Variants in TOMM5 observed in about 807,000 individuals in gnomAD.
TOMM5 encodes the protein mitochondrial import receptor subunit TOM5 homolog.
TOMM5 carries 1 observed loss-of-function variant against 4.8 expected under a neutral mutation model. The observed-to-expected ratio is 0.21, with a 90% CI of 0.07 to 0.99. The LOEUF is 0.99. Ranked by LOEUF, TOMM5 falls within the 50% of genes least tolerant of loss-of-function variation. The probability of loss-of-function intolerance (pLI) is 0.60; values close to 1 mark genes in which losing one functional copy is unlikely to be tolerated. For missense variants in TOMM5, 60 were observed against 66.6 expected (o/e 0.90, Z 0.35); for synonymous variants, 26 against 26.7 (o/e 0.97, Z 0.08).
rs893189326 is a variant in TOMM5, at chr9:37,592,170, C to T, written c.121+242G>A. 7.9e-5 allele frequency: 116 copies of T among 1,463,070 alleles called. 1 individual carries two copies. The African/African-American group carries it at 1.4e-3, about 18-fold the overall frequency. 90.6% of individuals were successfully genotyped at this position (1,463,070 alleles called of 1,614,324 possible). ...CAACGCGCCCGGCAGCTCAAACATTCTTCAAGCTGGGAGAACCAGGATGAT... is the reference window on the plus strand; with the variant it reads ...CAACGCGCCCGGCAGCTCAAACATTTTTCAAGCTGGGAGAACCAGGATGAT... On this transcript the variant is annotated intron_variant, in intron 1 of 1. Transcript: ENST00000321301.
chr9:37,589,349 C>A (rs13296887), intron 1 of TOMM5, among the ~76,000 whole-genome samples: 18,475 of 152,156 alleles, frequency 0.12, 1,206 homozygotes, highest in Middle Eastern at 0.15. Context: ...ACTAGAGAAC[C>A]GGAAGAGCTG....
At chr9:37,592,240 C>T (rs1171307031) in intron 1 of TOMM5, 172 bp downstream of exon 1, 1 of 1,542,200 alleles carries the variant, frequency 6.5e-7, no homozygotes, top group Non-Finnish European at 8.8e-7. Flanking sequence ...TGCCCGGACC[C>T]TGACCCGCAG....
chr9:37,590,175 T>G (rs1395353618), intron 1 of TOMM5, among the ~76,000 whole-genome samples: 1 of 152,122 alleles, frequency 6.6e-6, no homozygotes, highest in African/African-American at 2.4e-5. Context: ...GAAGGATTGA[T>G]CGAGCCCAAT....
intron 1 of TOMM5, 163 bp downstream of exon 1, chr9:37,592,249 A>G: frequency 6.5e-7 from 1 of 1,544,788 alleles, no homozygotes. Context: ...CCTGACCCGC[A>G]GACCTCAAAC....
chr9:37,590,427 G>T lies in TOMM5; in HGVS notation c.122-1495C>A, dbSNP rs539026162. Reference sequence around the variant, plus strand: ...TCAAAAAAAAGAAAAAAAAAATCCGGACTAGACAAATCCATAGAGAAAAAG... The same window carrying T: ...TCAAAAAAAAGAAAAAAAAAATCCGTACTAGACAAATCCATAGAGAAAAAG... On this transcript the variant is annotated intron_variant, in intron 1 of 1. Transcript: ENST00000321301. 2.0e-5 allele frequency among the ~76,000 whole-genome samples: 3 copies of T among 151,900 alleles called. No individual in the cohort carries two copies. In the East Asian group the frequency reaches 5.8e-4, roughly 29 times the overall value.
intron 1 of TOMM5, among the ~76,000 whole-genome samples, chr9:37,590,302 G>C (rs1001355089): frequency 1.3e-5 from 2 of 152,118 alleles, no homozygotes; most frequent in Non-Finnish European, 2.9e-5. Flanking sequence ...TGAAGTAGGA[G>C]GATCACTTAC....
At chr9:37,589,215 T>A (rs1201365713) in intron 1 of TOMM5, among the ~76,000 whole-genome samples, 1 of 152,212 alleles carries the variant, frequency 6.6e-6, no homozygotes, top group African/African-American at 2.4e-5. Flanking sequence ...CTCTTTCAAA[T>A]GACAAGGCTT....
Position 37,592,586 on chromosome 9 carries a change from C to G in TOMM5, c.-54G>C. The G allele has an allele frequency of 1.9e-6, 3 of 1,579,904 alleles. No homozygotes were observed. In the South Asian group the frequency reaches 3.5e-5, roughly 18 times the overall value. On this transcript the variant is annotated 5_prime_UTR_variant, in exon 1 of 2. Transcript: ENST00000321301. ...GCCGCGCTCTGCTCTCCACGGTGGC[C>G]GCCTCGCGCCCGGAACTCGGCCTAT...
intron 1 of TOMM5, 142 bp downstream of exon 1, chr9:37,592,270 C>A (rs1488473381): frequency 1.5e-5 from 23 of 1,551,622 alleles, no homozygotes; most frequent in Non-Finnish European, 2.0e-5. Context: ...CGCGCATATG[C>A]CCGTCGCCTT....
Position 37,592,562 on chromosome 9 carries a change from C to T in TOMM5, c.-30G>A. On this transcript the variant is annotated 5_prime_UTR_variant, in exon 1 of 2. Transcript: ENST00000321301. ...GCTCTGACTTAGCAGCTTCCAGCCG[C>T]CGCGCTCTGCTCTCCACGGTGGCCG... 1.2e-6 allele frequency: 2 copies of T among 1,602,878 alleles called. No individual in the cohort carries two copies. Among genetic ancestry groups the T allele is most frequent in the Non-Finnish European group, 1.7e-6 (2 of 1,173,672 alleles).
intron 1 of TOMM5, 188 bp downstream of exon 1, chr9:37,592,224 C>CT: frequency 1.3e-6 from 2 of 1,530,948 alleles, no homozygotes; most frequent in Middle Eastern, 1.7e-4. Context: ...ACCACGTGCA[C>CT]TTCAGTGCCC....
chr9:37,589,801 C>A (rs1334208225), intron 1 of TOMM5, among the ~76,000 whole-genome samples: 1 of 152,100 alleles, frequency 6.6e-6, no homozygotes, highest in Admixed American at 6.6e-5. Flanking sequence ...GAATTACAGG[C>A]ATGAGCCACT....
intron 1 of TOMM5, among the ~76,000 whole-genome samples, chr9:37,589,877 A>G (rs1476403798): frequency 6.6e-6 from 1 of 152,232 alleles, no homozygotes; most frequent in Non-Finnish European, 1.5e-5. Flanking sequence ...TGATAAAGTC[A>G]GCAGTATATC....
At chr9:37,589,782 A>G (rs1048613684) in intron 1 of TOMM5, among the ~76,000 whole-genome samples, 1 of 152,172 alleles carries the variant, frequency 6.6e-6, no homozygotes, top group African/African-American at 2.4e-5. Flanking sequence ...TCAGCCCCGC[A>G]AAGTGCTGGA....
intron 1 of TOMM5, among the ~76,000 whole-genome samples, chr9:37,589,574 CCTT>C (rs1246594248): frequency 6.6e-6 from 1 of 151,930 alleles, no homozygotes; most frequent in African/African-American, 2.4e-5. Flanking sequence ...ACCCAAATCA[CCTT>C]CTTTCTCAAT....
chr9:37,589,891 T>A (rs1475890400), intron 1 of TOMM5, among the ~76,000 whole-genome samples: 1 of 152,204 alleles, frequency 6.6e-6, no homozygotes, highest in Non-Finnish European at 1.5e-5. Flanking sequence ...GTATATCCAA[T>A]TTTTCCTACT....
At chr9:37,590,412 GA>G (rs112318887) in intron 1 of TOMM5, among the ~76,000 whole-genome samples, 4,881 of 145,412 alleles carry the variant, frequency 0.034, 273 homozygotes, top group African/African-American at 0.12. Context: ...TCAAAAAAAA[GA>G]AAAAAAAAAT....
chr9:37,589,799 G>C (rs1823073396), intron 1 of TOMM5, among the ~76,000 whole-genome samples: 1 of 152,078 alleles, frequency 6.6e-6, no homozygotes, highest in African/African-American at 2.4e-5. Context: ...TGGAATTACA[G>C]GCATGAGCCA....
At position 37,588,846 on chromosome 9, in the gene TOMM5, G is replaced by A. The variant is rs759424948; in HGVS notation, c.*52C>T. The A allele has an allele frequency of 1.7e-5, 27 of 1,589,804 alleles. No individual in the cohort carries two copies. Among genetic ancestry groups the A allele is most frequent in the Middle Eastern group, 3.3e-4 (2 of 5,996 alleles). ...GCCTATTCACTTGCAGAGAGGAGTC[G>A]AAACTGTAACCAGGCTCTTCATATC... On this transcript the variant is annotated 3_prime_UTR_variant, in exon 2 of 2. Transcript: ENST00000321301.
Sources: allele counts gnomAD v4.1 joint callset (sites outside exome capture counted in the v4.1 genomes callset), GRCh38; gene constraint gnomAD v4.1.1; transcripts MANE v1.5; gene names NCBI Gene and HGNC (gene_info 2026-07-23, HGNC 2026-07-21).